The following PNPLA6 variants were observed in gnomAD, a reference collection of about 807,000 sequenced individuals.
PNPLA6 encodes patatin-like phospholipase domain-containing protein 6.
Under a neutral mutation model 153.7 loss-of-function variants are expected in PNPLA6, and 105 were observed. That is an observed-to-expected ratio of 0.68 (90% CI 0.58 to 0.80). PNPLA6 has a LOEUF of 0.80. PNPLA6 is among the 30% of genes least tolerant of loss of function. The probability of loss-of-function intolerance (pLI) is 0.00; values close to 1 mark genes in which losing one functional copy is unlikely to be tolerated. For missense variants in PNPLA6, 1,423 were observed against 1,919.3 expected, an observed-to-expected ratio of 0.74 and a Z score of 4.83; for synonymous variants, 825 against 822.2, an observed-to-expected ratio of 1.00 and a Z score of -0.06.
chr19:7,558,210 AC>A lies in PNPLA6; in HGVS notation c.3398-636del, dbSNP rs2023966754. On this transcript the variant is annotated intron_variant, in intron 27 of 31. Coordinates refer to ENST00000600737, the MANE Select transcript of PNPLA6 (RefSeq NM_001166114.2). ...GCAGGTACACAACTTAAAATCTCACACCCCAGAAGTGTGCATATATGAACAG... is the reference window on the plus strand; with the variant it reads ...GCAGGTACACAACTTAAAATCTCACACCCAGAAGTGTGCATATATGAACAG... 5.9e-5 allele frequency among the ~76,000 whole-genome samples: 9 copies of A among 152,208 alleles called. No individual in the cohort carries two copies. The South Asian group carries it at 1.9e-3, about 32-fold the overall frequency.
At chr19:7,559,186 G>A (rs773537805) in intron 28 of PNPLA6, 35 bp downstream of exon 28, 5 of 1,591,092 alleles carry the variant, frequency 3.1e-6, no homozygotes, top group Non-Finnish European at 4.3e-6. Flanking sequence ...GCCTGCATAG[G>A]TGGTCCGGCT....
intron 18 of PNPLA6, 77 bp downstream of exon 18, chr19:7,551,514 T>C: frequency 8.2e-7 from 1 of 1,222,700 alleles, no homozygotes; most frequent in Non-Finnish European, 1.2e-6. Context: ...AAGCCTTCTT[T>C]CCTGAGGGAT....
At chr19:7,556,946 C>A (rs1377042752) in intron 26 of PNPLA6, 4 of 688,932 alleles carry the variant, frequency 5.8e-6, no homozygotes, top group Non-Finnish European at 1.1e-5. Flanking sequence ...CGCCTTACCC[C>A]CCTCACGCCA....
chr19:7,555,187 CT>C lies in PNPLA6; in HGVS notation c.2818-61del. The C allele has an allele frequency of 6.5e-7, 1 of 1,530,342 alleles. No individual in the cohort carries two copies. The allele number at this position is 1,530,342 out of a possible 1,614,324, so 94.8% of individuals were successfully genotyped here. Reference sequence around the variant, plus strand: ...GACAGGCTCGAAGGTCAGGGTACCCCTGGGGGATCCGCCGGACCCCGCCCTC... The same window carrying C: ...GACAGGCTCGAAGGTCAGGGTACCCCGGGGGATCCGCCGGACCCCGCCCTC... On this transcript the variant is annotated intron_variant, in intron 22 of 31. Coordinates refer to ENST00000600737, the MANE Select transcript of PNPLA6 (RefSeq NM_001166114.2). This position sits in a 1 kb window ranked among gnomAD's most constrained non-coding sequence, Gnocchi z 6.3.
Position 7,542,941 on chromosome 19 carries a change from G to A in PNPLA6, c.1530+13G>A, listed in dbSNP as rs776607967. ...GATGCGGATTGAGGTGGGCAGCCGA[G>A]GGGAGCTGGGCACAGGGCGCAAGGG... On this transcript the variant is annotated intron_variant, in intron 12 of 31. Transcript: ENST00000600737. 13 of 1,613,688 alleles carry A rather than the reference G, an allele frequency of 8.1e-6. No homozygotes were observed. In the South Asian group the frequency reaches 1.3e-4, roughly 16 times the overall value.
rs769701909 is a variant in PNPLA6 at position 7,550,625 on chromosome 19, C to G, written c.2055C>G (p.Gly685=). The change falls in exon 16 of 32, where the codon GGC becomes GGG. Residue 685 remains glycine, a synonymous_variant. Coordinates refer to ENST00000600737, the MANE Select transcript of PNPLA6 (RefSeq NM_001166114.2). ...AGCTGGTGGGCGAGTACGGCCGCGG[C>G]GACCTCATCGGCGTGGTGAGCGCGA... ...KKELVGEYGR[G]DLIGVVEALT... 6.2e-7 allele frequency: 1 copy of G among 1,611,334 alleles called. No homozygotes were observed. Among genetic ancestry groups the G allele is most frequent in the South Asian group, 1.1e-5 (1 of 90,924 alleles).
At chr19:7,547,049 C>T (rs999853797) in intron 13 of PNPLA6, among the ~76,000 whole-genome samples, 3 of 152,056 alleles carry the variant, frequency 2.0e-5, no homozygotes, top group Non-Finnish European at 4.4e-5. Flanking sequence ...GGATTACAGG[C>T]ACACGCTGCC....
Position 7,541,103 on chromosome 19 carries a change from C to A in PNPLA6, c.924+52C>A. On this transcript the variant is annotated intron_variant, in intron 7 of 31. Transcript: ENST00000600737. The surrounding 1 kb of genome is among the most constrained non-coding windows in gnomAD (Gnocchi z 5.2). ...CCCCTGAGGGACCCCACCCTGGCCCCCACCCATTCCAGGCTCCAAGGGACC... is the reference window on the plus strand; with the variant it reads ...CCCCTGAGGGACCCCACCCTGGCCCACACCCATTCCAGGCTCCAAGGGACC... The A allele has an allele frequency of 1.3e-6, 2 of 1,578,324 alleles. No individual in the cohort carries two copies. Among genetic ancestry groups the A allele is most frequent in the East Asian group, 2.3e-5 (1 of 43,560 alleles).
rs750948358 is a variant in PNPLA6 at position 7,561,607 on chromosome 19, G to A, written c.*45G>A. ...CCCCTCCCTCCCACCCCTGGACTGG[G>A]CTGGGGGTGGCCCCGTGGGGGTAGC... On this transcript the variant is annotated 3_prime_UTR_variant, in exon 32 of 32. Coordinates refer to ENST00000600737, the MANE Select transcript of PNPLA6 (RefSeq NM_001166114.2). 6.5e-6 allele frequency: 9 copies of A among 1,387,148 alleles called. No homozygotes were observed. Among genetic ancestry groups the A allele is most frequent in the Non-Finnish European group, 8.9e-6 (9 of 1,006,372 alleles). 85.9% of individuals were successfully genotyped at this position (1,387,148 alleles called of 1,614,324 possible).
At chr19:7,548,916 C>A (rs1364272196) in intron 13 of PNPLA6, among the ~76,000 whole-genome samples, 1 of 149,306 alleles carries the variant, frequency 6.7e-6, no homozygotes, top group Non-Finnish European at 1.5e-5. Flanking sequence ...CATTTTCCTG[C>A]CTCAGACTCC....
chr19:7,557,012 C>A, intron 26 of PNPLA6, 156 bp from the exon 27 acceptor site: 6 of 776,876 alleles, frequency 7.7e-6, no homozygotes, highest in Non-Finnish European at 1.4e-5. Flanking sequence ...ACTGCCCCTA[C>A]CTGCCCCCAC....
At chr19:7,542,693 G>A (rs1341945563) in intron 11 of PNPLA6, 23 bp downstream of exon 11, 1 of 1,612,156 alleles carries the variant, frequency 6.2e-7, no homozygotes, top group Non-Finnish European at 8.5e-7. Flanking sequence ...ACCCTGCCCG[G>A]TGGTGGAGCC....
chr19:7,550,962 A>G, intron 16 of PNPLA6, 32 bp from the exon 17 acceptor site: 1 of 1,454,116 alleles, frequency 6.9e-7, no homozygotes, highest in Non-Finnish European at 9.4e-7. Flanking sequence ...TTCCCCACCC[A>G]AGCAGCCCCA....
At position 7,555,831 on chromosome 19, in the gene PNPLA6, T is replaced by C; in HGVS notation, c.3093+68T>C. On this transcript the variant is annotated intron_variant, in intron 24 of 31. Transcript: ENST00000600737. This position sits in a 1 kb window ranked among gnomAD's most constrained non-coding sequence, Gnocchi z 6.3. ...TAAAACCCGTGGTTCCAACCTAACC[T>C]GATCCCATGGGGGAGCCTCCGGGGT... 8.4e-6 allele frequency: 13 copies of C among 1,548,004 alleles called. No individual in the cohort carries two copies. The highest frequency in any genetic ancestry group is 1.2e-5 in the Non-Finnish European group (13 of 1,129,170).
In PNPLA6 at chr19:7,535,741, G is replaced by A. The variant is rs2022827094; in HGVS notation, c.-48G>A. 3 of 1,519,934 alleles carry A rather than the reference G, an allele frequency of 2.0e-6. No homozygotes were observed. Among genetic ancestry groups the A allele is most frequent in the Non-Finnish European group, 2.6e-6 (3 of 1,133,828 alleles). The allele number at this position is 1,519,934 out of a possible 1,614,324, so 94.2% of individuals were successfully genotyped here. ...TGCACTGCGGGCCGCCGGGCCTCAG[G>A]GAAGAGTCGCGCCCCCGGGGAGGGA... On this transcript the variant is annotated 5_prime_UTR_variant, in exon 1 of 32. Transcript: ENST00000600737. The surrounding 1 kb of genome is among the most constrained non-coding windows in gnomAD (Gnocchi z 5.0).
At position 7,540,789 on chromosome 19, in the gene PNPLA6, G is replaced by C; in HGVS notation, c.795+79G>C. 1 of 1,543,036 alleles carries C rather than the reference G, an allele frequency of 6.5e-7. No homozygotes were observed. Among genetic ancestry groups the C allele is most frequent in the Middle Eastern group, 1.7e-4 (1 of 5,904 alleles). On this transcript the variant is annotated intron_variant, in intron 6 of 31. Transcript: ENST00000600737. This position sits in a 1 kb window ranked among gnomAD's most constrained non-coding sequence, Gnocchi z 6.8. ...GGACTAGGTTGAAGGAAATCACAGG[G>C]TCCCCAATCTCTGGTTCATCCGTTA...
At position 7,550,034 on chromosome 19, in the gene PNPLA6, C is replaced by G; in HGVS notation, c.1736C>G (p.Thr579Ser). ...CTGGTGGGGCAGCTGGCGGTGCTCA[C>G]TGGCGAACCTCTCATCTTCACACTG... Reference protein sequence around the residue: ...GELVGQLAVLTGEPLIFTLRA... With the variant: ...GELVGQLAVLSGEPLIFTLRA... Residue 579 changes from threonine (T) to serine (S), a missense_variant, in exon 14 of 32, where the codon ACT becomes AGT. Transcript: ENST00000600737. The G allele has an allele frequency of 2.5e-6, 4 of 1,614,070 alleles. No individual in the cohort carries two copies. Among genetic ancestry groups the G allele is most frequent in the Non-Finnish European group, 3.4e-6 (4 of 1,180,044 alleles).
chr19:7,553,742 ACTGGGGGCTGCAGT>A (rs1844645393), intron 18 of PNPLA6, 119 bp from the exon 19 acceptor site: 1 of 1,160,268 alleles, frequency 8.6e-7, no homozygotes, highest in South Asian at 1.3e-5. Flanking sequence ...ACTTTGGGCA[ACTGGGGGCTGCAGT>A]CTGGGAGCAC....
chr19:7,550,140 G>A, intron 14 of PNPLA6, 28 bp downstream of exon 14: 1 of 1,612,616 alleles, frequency 6.2e-7, no homozygotes, highest in South Asian at 1.1e-5. Flanking sequence ...TGGAGTGTGG[G>A]TGGCACTCGG....
Sources: allele counts gnomAD v4.1 joint callset (sites outside exome capture counted in the v4.1 genomes callset), GRCh38; gene constraint gnomAD v4.1.1; non-coding constraint Gnocchi (gnomAD v3.1); transcripts MANE v1.5; gene names NCBI Gene and HGNC (gene_info 2026-07-23, HGNC 2026-07-21).